TRPM3: variants seen among roughly 807,000 people sequenced by gnomAD.
TRPM3 encodes transient receptor potential cation channel subfamily M member 3, also known as long transient receptor potential channel 3.
TRPM3 carries 77 observed loss-of-function variants against 181.2 expected under a neutral mutation model. That is an observed-to-expected ratio of 0.42 (90% CI 0.35 to 0.51). The LOEUF is 0.51. Among genes scored for constraint, TRPM3 ranks in the 20% least tolerant of loss-of-function variants. The pLI, the probability that TRPM3 is intolerant of heterozygous loss-of-function variation, is 0.01. For missense variants in TRPM3, 1,759 were observed against 2,196.7 expected (o/e 0.80, Z 3.98); for synonymous variants, 745 against 796.4 (o/e 0.94, Z 1.09).
chr9:70,618,716 A>C, intron 17 of TRPM3, 151 bp downstream of exon 17: 1 of 710,262 alleles, frequency 1.4e-6, no homozygotes, highest in Non-Finnish European at 2.4e-6. Context: ...AAAACCAAGC[A>C]ACACTCTACA....
intron 1 of TRPM3, among the ~76,000 whole-genome samples, chr9:71,371,008 T>G (rs910974031): frequency 5.3e-5 from 8 of 151,930 alleles, no homozygotes; most frequent in Non-Finnish European, 1.5e-5. Flanking sequence ...TGGCAGTACA[T>G]CTGTTTACAG....
At chr9:70,942,824 G>T (rs768075116) in intron 1 of TRPM3, among the ~76,000 whole-genome samples, 7 of 152,044 alleles carry the variant, frequency 4.6e-5, no homozygotes, top group Non-Finnish European at 1.0e-4. Flanking sequence ...AGAACACAAA[G>T]GACAAGTTCA....
chr9:70,917,343 A>T (rs2096607529), intron 1 of TRPM3: 3 of 1,146,528 alleles, frequency 2.6e-6, no homozygotes, highest in Non-Finnish European at 4.0e-6. Flanking sequence ...GAATATGGAG[A>T]TACTCCCAAG....
At chr9:70,618,641 T>A (rs2063153224) in intron 17 of TRPM3, among the ~76,000 whole-genome samples, 3 of 152,126 alleles carry the variant, frequency 2.0e-5, no homozygotes, top group South Asian at 2.1e-4. Context: ...TGTCCAGGCA[T>A]CCTCCATAGA....
At chr9:70,904,624 C>T (rs926732355) in intron 1 of TRPM3, among the ~76,000 whole-genome samples, 1 of 152,194 alleles carries the variant, frequency 6.6e-6, no homozygotes, top group Non-Finnish European at 1.5e-5. Flanking sequence ...ACTATACAGA[C>T]CCCGATGGCC....
chr9:71,039,884 C>T (rs1445622781), intron 1 of TRPM3, among the ~76,000 whole-genome samples: 1 of 152,058 alleles, frequency 6.6e-6, no homozygotes, highest in Non-Finnish European at 1.5e-5. Context: ...AATACATGCT[C>T]ACCTTTTGTA....
At chr9:70,815,794 T>C (rs1048121844) in intron 6 of TRPM3, among the ~76,000 whole-genome samples, 1 of 152,160 alleles carries the variant, frequency 6.6e-6, no homozygotes, top group Non-Finnish European at 1.5e-5. Flanking sequence ...TCTAATAGGG[T>C]TTTTTAACAG....
upstream of TRPM3, among the ~76,000 whole-genome samples, chr9:71,126,397 T>A (rs1046120677): frequency 1.4e-4 from 21 of 152,168 alleles, no homozygotes; most frequent in Non-Finnish European, 2.4e-4. Context: ...AATTTATCAT[T>A]TTTGTCAAAA....
intron 1 of TRPM3, among the ~76,000 whole-genome samples, chr9:71,155,624 G>A (rs2075962259): frequency 6.6e-6 from 1 of 151,758 alleles, no homozygotes; most frequent in Non-Finnish European, 1.5e-5. Flanking sequence ...CAAAGTGCTA[G>A]GATTACAGGC....
chr9:71,147,452 C>CAT (rs1450514693), intron 1 of TRPM3, among the ~76,000 whole-genome samples: 3 of 151,582 alleles, frequency 2.0e-5, no homozygotes, highest in Admixed American at 2.0e-4. Flanking sequence ...CACACACACA[C>CAT]ACACAGCCAG....
intron 19 of TRPM3, among the ~76,000 whole-genome samples, chr9:70,605,302 A>G (rs2060849013): frequency 1.3e-5 from 2 of 152,048 alleles, no homozygotes; most frequent in African/African-American, 4.8e-5. Context: ...AGACCCCATC[A>G]CACTGACACA....
chr9:71,247,350 T>C (rs1260707382), intron 1 of TRPM3, among the ~76,000 whole-genome samples: 3 of 32,638 alleles, frequency 9.2e-5, no homozygotes, highest in Non-Finnish European at 1.8e-4. Context: ...TGAGACTCTG[T>C]CTCAAAAAAA....
intron 1 of TRPM3, among the ~76,000 whole-genome samples, chr9:70,879,509 T>A (rs2095942117): frequency 6.6e-6 from 1 of 152,046 alleles, no homozygotes; most frequent in Non-Finnish European, 1.5e-5. Context: ...ACACTCTCTA[T>A]CCTGACTAAT....
chr9:71,322,968 T>C (rs563549437), intron 1 of TRPM3, among the ~76,000 whole-genome samples: 2 of 152,290 alleles, frequency 1.3e-5, no homozygotes, highest in African/African-American at 4.8e-5. Context: ...GCCACTTTCA[T>C]TTACCTTTTT....
chr9:70,632,849 G>C (rs1270980581), intron 12 of TRPM3, among the ~76,000 whole-genome samples: 1 of 152,172 alleles, frequency 6.6e-6, no homozygotes. Context: ...CTACCTTAGA[G>C]ATACTTTACA....
intron 1 of TRPM3, among the ~76,000 whole-genome samples, chr9:71,353,261 A>G (rs1353941045): frequency 6.6e-6 from 1 of 151,986 alleles, no homozygotes; most frequent in African/African-American, 2.4e-5. Flanking sequence ...TTGACTCCCT[A>G]TGTTCCTCTA....
intron 1 of TRPM3, among the ~76,000 whole-genome samples, chr9:71,133,622 A>T (rs6560178): frequency 0.61 from 93,319 of 151,904 alleles, 29,286 homozygotes; most frequent in African/African-American, 0.75. Flanking sequence ...TAGAGTTTTA[A>T]TTTTCTTATT....
intron 1 of TRPM3, among the ~76,000 whole-genome samples, chr9:71,387,381 G>T (rs907762209): frequency 6.6e-6 from 1 of 152,108 alleles, no homozygotes; most frequent in African/African-American, 2.4e-5. Context: ...CTCAGGGAAG[G>T]ACCTAGTGTT....
intron 1 of TRPM3, among the ~76,000 whole-genome samples, chr9:71,213,118 G>T (rs1194157451): frequency 1.3e-5 from 2 of 152,144 alleles, no homozygotes. Context: ...AAGCTTTACA[G>T]GCCATACAAT....
Sources: gnomAD v4.1 joint callset for allele counts (sites outside exome capture counted in the v4.1 genomes callset) on GRCh38, gnomAD v4.1.1 for gene constraint, MANE v1.5 for transcripts, NCBI Gene and HGNC (gene_info 2026-07-23, HGNC 2026-07-21) for gene names.